The following RUVBL2 variants were observed in gnomAD, a reference collection of about 807,000 sequenced individuals.
The protein encoded by RUVBL2 is RuvB like AAA ATPase 2, also known as ruvB-like 2.
Under a neutral mutation model 57.9 loss-of-function variants are expected in RUVBL2, and 9 were observed. The observed-to-expected ratio is 0.16, with a 90% CI of 0.09 to 0.27. RUVBL2 has a LOEUF of 0.27. Ranked by LOEUF, RUVBL2 falls within the 10% of genes least tolerant of loss-of-function variation. RUVBL2 has a pLI of 1.00. For missense variants in RUVBL2, 456 were observed against 669.6 expected (o/e 0.68, Z 3.52); for synonymous variants, 278 against 264.6 (o/e 1.05, Z -0.49).
intron 2 of RUVBL2, chr19:49,001,523 C>T (rs1264130701): frequency 6.6e-6 from 1 of 150,784 alleles, no homozygotes; most frequent in Non-Finnish European, 1.5e-5. Context: ...CGCTTGTGAG[C>T]TGAGGACCCA....
intron 3 of RUVBL2, 130 bp from the exon 4 acceptor site, chr19:49,004,147 A>T: frequency 2.2e-6 from 2 of 916,584 alleles, no homozygotes; most frequent in African/African-American, 1.8e-5. Flanking sequence ...AAAAGCAGGG[A>T]AAGCTTTTTT....
Position 49,007,317 on chromosome 19 carries a change from C to T in RUVBL2, c.411C>T (p.Ile137=). The change falls in exon 6 of 15, where the codon ATC becomes ATT. Residue 137 remains isoleucine (I), a synonymous_variant. Coordinates refer to ENST00000595090, the MANE Select transcript of RUVBL2 (RefSeq NM_006666.3). ...CTCTGGCTAGGGAGGAGACGGAGATCATCGAAGGGGAGGTGGTGGAGATCC... is the reference window on the plus strand; with the variant it reads ...CTCTGGCTAGGGAGGAGACGGAGATTATCGAAGGGGAGGTGGTGGAGATCC... ...IGVRIKEETE[I]IEGEVVEIQI... 6.2e-7 allele frequency: 1 copy of T among 1,613,980 alleles called. No individual in the cohort carries two copies. Among genetic ancestry groups the T allele is most frequent in the Non-Finnish European group, 8.5e-7 (1 of 1,179,970 alleles).
chr19:49,013,684 G>A (rs938147387), intron 11 of RUVBL2, among the ~76,000 whole-genome samples: 38 of 152,204 alleles, frequency 2.5e-4, no homozygotes, highest in African/African-American at 8.7e-4. Flanking sequence ...GGAGGCCGAG[G>A]TGGGTGGATC....
intron 1 of RUVBL2, among the ~76,000 whole-genome samples, chr19:48,997,819 T>TG (rs1483904903): frequency 1.3e-5 from 2 of 152,002 alleles, no homozygotes; most frequent in South Asian, 2.1e-4. Flanking sequence ...TGTGGACCTC[T>TG]GGGGGGGTCC....
Position 49,014,469 on chromosome 19 carries a change from C to A in RUVBL2, c.1002-15C>A. The A allele has an allele frequency of 6.2e-7, 1 of 1,612,236 alleles. No homozygotes were observed. The highest frequency in any genetic ancestry group is 8.5e-7 in the Non-Finnish European group (1 of 1,178,848). ...ACATGCCCCTGACAGCCCCCTCTTT[C>A]TGCCTCTTCCTCAGAATCCGGGGCA... On this transcript the variant is annotated splice_polypyrimidine_tract_variant and intron_variant, in intron 11 of 14. Transcript: ENST00000595090.
intron 6 of RUVBL2, 143 bp from the exon 7 acceptor site, chr19:49,009,633 T>C (rs2122633674): frequency 1.4e-6 from 1 of 716,010 alleles, no homozygotes; most frequent in Non-Finnish European, 2.4e-6. Context: ...ATGTCTTCCC[T>C]GGAGAGCTTC....
chr19:49,009,238 C>T (rs1212485998), intron 6 of RUVBL2, among the ~76,000 whole-genome samples: 1 of 146,224 alleles, frequency 6.8e-6, no homozygotes, highest in Admixed American at 7.0e-5. Context: ...CCTGTAATCC[C>T]AGCACTTTGG....
intron 1 of RUVBL2, among the ~76,000 whole-genome samples, chr19:48,995,418 G>A (rs1209450551): frequency 2.7e-5 from 4 of 150,828 alleles, no homozygotes; most frequent in East Asian, 2.0e-4. Context: ...TATAGGAGAC[G>A]GTAGGTGGGA....
chr19:49,015,257 C>T (rs181734134), intron 13 of RUVBL2, 107 bp downstream of exon 13: 501 of 1,459,998 alleles, frequency 3.4e-4, no homozygotes, highest in African/African-American at 1.7e-3. Flanking sequence ...CGTTTTCAGA[C>T]GCAGGGAATT....
At position 49,015,563 on chromosome 19, in the gene RUVBL2, C is replaced by T; in HGVS notation, c.1252-9C>T. 6.2e-7 allele frequency: 1 copy of T among 1,607,416 alleles called. No individual in the cohort carries two copies. The highest frequency in any genetic ancestry group is 8.5e-7 in the Non-Finnish European group (1 of 1,174,064). On this transcript the variant is annotated splice_polypyrimidine_tract_variant and intron_variant, in intron 13 of 14. Coordinates refer to ENST00000595090, the MANE Select transcript of RUVBL2 (RefSeq NM_006666.3). ...GGGGCCCAACTGAGGACTCGCCCTCCCCCTCCAGGGTACAGAAGTGCAGGT... is the reference window on the plus strand; with the variant it reads ...GGGGCCCAACTGAGGACTCGCCCTCTCCCTCCAGGGTACAGAAGTGCAGGT...
rs561370869 is a variant in RUVBL2, at chr19:49,004,430, C to T, written c.265+12C>T. On this transcript the variant is annotated intron_variant, in intron 4 of 14. Coordinates refer to ENST00000595090, the MANE Select transcript of RUVBL2 (RefSeq NM_006666.3). ...GGCCATCGCCATGGGTAAGAAACCT[C>T]CCAGGGCAGGAACTCTCCTGTTTCC... is the stretch of plus-strand genomic sequence containing the variant. 1.9e-6 allele frequency: 3 copies of T among 1,608,636 alleles called. No homozygotes were observed. The highest frequency in any genetic ancestry group is 3.3e-4 in the Middle Eastern group (2 of 6,072).
In RUVBL2 at chr19:48,999,363, T is replaced by C. The variant is rs1368715684; in HGVS notation, c.57T>C (p.Ile19=). The C allele has an allele frequency of 6.2e-7, 1 of 1,614,066 alleles. No individual in the cohort carries two copies. Among genetic ancestry groups the C allele is most frequent in the Non-Finnish European group, 8.5e-7 (1 of 1,180,026 alleles). ...KVPEIRDVTR[I]ERIGAHSHIR... The stretch of plus-strand genomic sequence containing the variant: ...CGGAGATCCGTGATGTAACAAGGAT[T>C]GAGCGAATCGGTGAGTGAGTTGGGT... The change falls in exon 2 of 15, where the codon ATT becomes ATC. Residue 19 remains isoleucine, a synonymous_variant. Coordinates refer to ENST00000595090, the MANE Select transcript of RUVBL2 (RefSeq NM_006666.3).
chr19:48,995,448 G>C (rs990242450), intron 1 of RUVBL2, among the ~76,000 whole-genome samples: 1 of 151,236 alleles, frequency 6.6e-6, no homozygotes, highest in Non-Finnish European at 1.5e-5. Context: ...CAGTGACAGG[G>C]AAAGCTTGTG....
intron 2 of RUVBL2, among the ~76,000 whole-genome samples, chr19:49,003,050 G>T (rs1212683089): frequency 6.6e-6 from 1 of 152,224 alleles, no homozygotes; most frequent in Non-Finnish European, 1.5e-5. Context: ...TAACTAGGAT[G>T]CATCCTCAGA....
At chr19:49,015,767 G>A (rs758281537) in intron 14 of RUVBL2, 50 bp from the exon 15 acceptor site, 2 of 1,613,536 alleles carry the variant, frequency 1.2e-6, no homozygotes, top group Non-Finnish European at 8.5e-7. Flanking sequence ...GAAGGCTCAG[G>A]CCCTGCCACC....
chr19:49,010,213 G>A (rs746710309), intron 8 of RUVBL2, 147 bp downstream of exon 8: 137 of 821,246 alleles, frequency 1.7e-4, no homozygotes, highest in Non-Finnish European at 2.4e-4. Flanking sequence ...GTAACCCTAG[G>A]ACAGCAGGGC....
chr19:49,007,395 C>A, intron 6 of RUVBL2, 27 bp downstream of exon 6: 1 of 1,602,402 alleles, frequency 6.2e-7, no homozygotes, highest in Non-Finnish European at 8.5e-7. Flanking sequence ...CTGTACCCTG[C>A]TGAGGCCACC....
intron 6 of RUVBL2, 40 bp from the exon 7 acceptor site, chr19:49,009,736 C>T: frequency 6.4e-7 from 1 of 1,563,688 alleles, no homozygotes; most frequent in Non-Finnish European, 8.8e-7. Context: ...AACATCAGGG[C>T]CCTCTCTGAG....
rs1201574202 is a variant in RUVBL2 at position 49,011,052 on chromosome 19, G to A, written c.841G>A (p.Ala281Thr). 2.5e-6 allele frequency: 4 copies of A among 1,613,296 alleles called. No homozygotes were observed. Among genetic ancestry groups the A allele is most frequent in the Non-Finnish European group, 3.4e-6 (4 of 1,179,942 alleles). The change falls in exon 10 of 15, where the codon GCT becomes ACT. Residue 281 changes from alanine (A) to threonine (T), a missense_variant. This residue lies in a region of RUVBL2 where 130 missense variants were observed against 243.0 expected (regional missense o/e 0.53). Coordinates refer to ENST00000595090, the MANE Select transcript of RUVBL2 (RefSeq NM_006666.3). The surrounding 1 kb of genome is among the most constrained non-coding windows in gnomAD (Gnocchi z 4.4). The part of the protein sequence containing the change: ...EVREQINAKV[A>T]EWREEGKAEI... ...CCGTGAGCAGATCAATGCCAAGGTG[G>A]CTGAGTGGCGCGAGGAGGGCAAGGC...
Sources: gnomAD v4.1 joint callset for allele counts (sites outside exome capture counted in the v4.1 genomes callset) on GRCh38, gnomAD v4.1.1 for gene constraint, gnomAD v4.1.1 regional missense constraint, Gnocchi (gnomAD v3.1) non-coding constraint, MANE v1.5 for transcripts, NCBI Gene and HGNC (gene_info 2026-07-23, HGNC 2026-07-21) for gene names.